Variants in GABRB3 observed in about 807,000 individuals in gnomAD.
The protein encoded by GABRB3 is gamma-aminobutyric acid receptor subunit beta-3.
In GABRB3, 14 loss-of-function variants were observed where a neutral mutation model predicts 52.1. That is an observed-to-expected ratio of 0.27 (90% CI 0.18 to 0.42). GABRB3 has a LOEUF of 0.42. GABRB3 is among the 10% of genes least tolerant of loss of function. The probability of loss-of-function intolerance (pLI) is 1.00; values close to 1 mark genes in which losing one functional copy is unlikely to be tolerated. For synonymous variants in GABRB3, 260 were observed against 232.3 expected (o/e 1.12, Z -1.08); for missense variants, 307 against 609.1 (o/e 0.50, Z 5.22).
At chr15:26,602,678 A>G (rs1319720166) in intron 4 of GABRB3, among the ~76,000 whole-genome samples, 2 of 152,104 alleles carry the variant, frequency 1.3e-5, no homozygotes, top group African/African-American at 4.8e-5. Flanking sequence ...GTCAATGAAG[A>G]AATTAAGAAA....
At chr15:26,765,763 G>A (rs1890980765) in intron 3 of GABRB3, among the ~76,000 whole-genome samples, 1 of 152,168 alleles carries the variant, frequency 6.6e-6, no homozygotes, top group Admixed American at 6.5e-5. Flanking sequence ...ACTATAATAA[G>A]TGTTGCAGGA....
intron 3 of GABRB3, among the ~76,000 whole-genome samples, chr15:26,702,062 C>A (rs1888953630): frequency 6.6e-6 from 1 of 152,120 alleles, no homozygotes; most frequent in South Asian, 2.1e-4. Flanking sequence ...GAACTTCAAC[C>A]CAGACCTTCC....
intron 8 of GABRB3, among the ~76,000 whole-genome samples, chr15:26,552,790 G>A (rs553945453): frequency 6.6e-6 from 1 of 152,310 alleles, no homozygotes; most frequent in African/African-American, 2.4e-5. Context: ...AGAAGTGGGT[G>A]GAGAGAATGA....
chr15:26,551,173 G>C (rs577253833), intron 8 of GABRB3, among the ~76,000 whole-genome samples: 1 of 152,246 alleles, frequency 6.6e-6, no homozygotes, highest in Admixed American at 6.5e-5. Flanking sequence ...AGGCCAGTGA[G>C]GTTTTTGTTT....
At chr15:26,612,402 T>C (rs370526375) in intron 4 of GABRB3, 25 of 152,344 alleles carry the variant, frequency 1.6e-4, no homozygotes, top group African/African-American at 5.8e-4. Flanking sequence ...TTTTGATAGA[T>C]GCATACTTAA....
At chr15:26,759,627 G>A (rs755240911) in intron 3 of GABRB3, among the ~76,000 whole-genome samples, 1 of 152,166 alleles carries the variant, frequency 6.6e-6, no homozygotes, top group Non-Finnish European at 1.5e-5. Context: ...TTAAATGCTG[G>A]CTCCTCGCCC....
intron 8 of GABRB3, among the ~76,000 whole-genome samples, chr15:26,555,456 G>A (rs116639170): frequency 0.017 from 2,614 of 152,230 alleles, 77 homozygotes; most frequent in African/African-American, 0.06. Flanking sequence ...CTTCCCCAGC[G>A]CTGTGGCCAC....
chr15:26,633,219 AC>A (rs1189607788), intron 3 of GABRB3, among the ~76,000 whole-genome samples: 1 of 152,178 alleles, frequency 6.6e-6, no homozygotes, highest in Non-Finnish European at 1.5e-5. Context: ...TTTTCATAAA[AC>A]ATTTTTTCTG....
intron 4 of GABRB3, among the ~76,000 whole-genome samples, chr15:26,598,626 G>A (rs1467464557): frequency 1.3e-5 from 2 of 152,138 alleles, no homozygotes; most frequent in Non-Finnish European, 2.9e-5. Context: ...GGATTTCTAT[G>A]GGCACACATA....
Position 26,751,893 on chromosome 15 carries a change from T to C in GABRB3, c.240+20509A>G, listed in dbSNP as rs184269857. ...GCATTGCTGATTTTCAGGCAAACTA[T>C]GTAACATGGCTTTCAATGGGTGCTT... On this transcript the variant is annotated intron_variant, in intron 3 of 8. Transcript: ENST00000311550. 4.6e-4 allele frequency among the ~76,000 whole-genome samples: 70 copies of C among 152,334 alleles called. 1 individual carries two copies. Among genetic ancestry groups the C allele is most frequent in the Admixed American group, 4.2e-3 (65 of 15,304 alleles).
intron 3 of GABRB3, among the ~76,000 whole-genome samples, chr15:26,723,211 A>C (rs557361099): frequency 4.3e-4 from 66 of 152,344 alleles, no homozygotes; most frequent in Admixed American, 2.0e-3. Context: ...TAATTTTATC[A>C]TTAGAGTCTT....
intron 3 of GABRB3, among the ~76,000 whole-genome samples, chr15:26,737,726 A>T (rs1190411355): frequency 2.0e-5 from 3 of 152,114 alleles, no homozygotes; most frequent in Non-Finnish European, 4.4e-5. Flanking sequence ...ACAGGGTACC[A>T]CTGTCCAGCC....
At chr15:26,753,625 C>T (rs2140174608) in intron 3 of GABRB3, among the ~76,000 whole-genome samples, 1 of 152,322 alleles carries the variant, frequency 6.6e-6, no homozygotes, top group Middle Eastern at 3.4e-3. Flanking sequence ...AGAGGCAGTG[C>T]AGCCAAGCAA....
chr15:26,665,073 T>C (rs535263261), intron 3 of GABRB3, among the ~76,000 whole-genome samples: 47 of 152,320 alleles, frequency 3.1e-4, no homozygotes, highest in Non-Finnish European at 6.8e-4. Flanking sequence ...ATGTATATTT[T>C]ATATATAACA....
intron 3 of GABRB3, among the ~76,000 whole-genome samples, chr15:26,725,436 C>T (rs114190928): frequency 0.01 from 1,537 of 152,294 alleles, 8 homozygotes; most frequent in Middle Eastern, 0.031. Flanking sequence ...CTGACTGCCA[C>T]CTCTGCATCA....
intron 3 of GABRB3, among the ~76,000 whole-genome samples, chr15:26,753,577 C>T (rs1890575770): frequency 6.6e-6 from 1 of 152,172 alleles, no homozygotes; most frequent in African/African-American, 2.4e-5. Flanking sequence ...TCCAGAAATA[C>T]ATGGTGGGAG....
At chr15:26,700,793 C>T (rs918980422) in intron 3 of GABRB3, among the ~76,000 whole-genome samples, 7 of 152,238 alleles carry the variant, frequency 4.6e-5, no homozygotes, top group African/African-American at 1.4e-4. Context: ...CAGTGGCTCA[C>T]GCCTGTAATC....
rs80336971 is a variant in GABRB3, at chr15:26,551,516, G to A, written c.1081-3382C>T. On this transcript the variant is annotated intron_variant, in intron 8 of 8. Coordinates refer to ENST00000311550, the MANE Select transcript of GABRB3 (RefSeq NM_000814.6). ...TTCGCCTGCCCAGTGCTGAATCTCCGCAGCTCAGGGGCTGGGGAAGTAGTG... is the reference window on the plus strand; with the variant it reads ...TTCGCCTGCCCAGTGCTGAATCTCCACAGCTCAGGGGCTGGGGAAGTAGTG... Among the ~76,000 whole-genome samples the A allele has an allele frequency of 4.5e-3, 688 of 152,266 alleles. 2 individuals carry two copies. Among genetic ancestry groups the A allele is most frequent in the East Asian group, 0.039 (203 of 5,158 alleles).
intron 3 of GABRB3, among the ~76,000 whole-genome samples, chr15:26,749,043 A>C (rs569676887): frequency 6.6e-6 from 1 of 150,910 alleles, no homozygotes; most frequent in African/African-American, 2.4e-5. Flanking sequence ...TAAATAAACA[A>C]ATAAAAATAA....
Sources: allele counts gnomAD v4.1 joint callset (sites outside exome capture counted in the v4.1 genomes callset), GRCh38; gene constraint gnomAD v4.1.1; transcripts MANE v1.5; gene names NCBI Gene and HGNC (gene_info 2026-07-23, HGNC 2026-07-21).